The following VPS13A variants were observed in gnomAD, a reference collection of about 807,000 sequenced individuals.
The protein encoded by VPS13A is intermembrane lipid transfer protein VPS13A.
VPS13A carries 264 observed loss-of-function variants against 390.9 expected under a neutral mutation model. That is an observed-to-expected ratio of 0.68 (90% CI 0.61 to 0.75). The LOEUF is 0.75. Ranked by LOEUF, VPS13A falls within the 30% of genes least tolerant of loss-of-function variation. The pLI is 0.00. For synonymous variants in VPS13A, 1,231 were observed against 1,227.1 expected (o/e 1.00, Z -0.07); for missense variants, 3,409 against 3,733.9 (o/e 0.91, Z 2.27).
At chr9:77,401,713 CA>C (rs1322623974) in intron 68 of VPS13A, among the ~76,000 whole-genome samples, 1 of 152,060 alleles carries the variant, frequency 6.6e-6, no homozygotes, top group Non-Finnish European at 1.5e-5. Context: ...TCTAAGTTTT[CA>C]AAATTATTTG....
chr9:77,288,800 T>C (rs529132958), intron 31 of VPS13A, among the ~76,000 whole-genome samples: 93 of 152,348 alleles, frequency 6.1e-4, no homozygotes, highest in African/African-American at 2.1e-3. Context: ...CTACTGATTT[T>C]CTGTTTACTG....
intron 33 of VPS13A, 22 bp downstream of exon 33, chr9:77,295,868 T>G: frequency 6.2e-7 from 1 of 1,610,498 alleles, no homozygotes; most frequent in Non-Finnish European, 8.5e-7. Context: ...ACAAGTATAT[T>G]TGTGTGGAAT....
chr9:77,359,281 C>G, intron 57 of VPS13A, 52 bp from the exon 58 acceptor site: 2 of 1,489,240 alleles, frequency 1.3e-6, no homozygotes, highest in Non-Finnish European at 1.9e-6. Flanking sequence ...AAGAAAATGC[C>G]TAGCTTTTGC....
At chr9:77,343,813 C>T (rs1218883607) in intron 50 of VPS13A, among the ~76,000 whole-genome samples, 1 of 152,128 alleles carries the variant, frequency 6.6e-6, no homozygotes, top group Non-Finnish European at 1.5e-5. Flanking sequence ...TGTTTTAAGC[C>T]TGATCATCTG....
chr9:77,204,803 T>C lies in VPS13A; in HGVS notation c.188-510T>C, dbSNP rs140087746. ...TCACGCCTGGCTAATTTTTTTAGTTTTTATTCATAGAGACAGGGTTTTGCC... is the reference window on the plus strand; with the variant it reads ...TCACGCCTGGCTAATTTTTTTAGTTCTTATTCATAGAGACAGGGTTTTGCC... On this transcript the variant is annotated intron_variant, in intron 3 of 71. Coordinates refer to ENST00000360280, the MANE Select transcript of VPS13A (RefSeq NM_033305.3). Among the ~76,000 whole-genome samples, 1,086 of 152,202 alleles carry C rather than the reference T, an allele frequency of 7.1e-3. 8 individuals carry two copies. Among genetic ancestry groups the C allele is most frequent in the Non-Finnish European group, 0.013 (872 of 68,008 alleles).
chr9:77,384,984 T>G, intron 68 of VPS13A: 1 of 1,089,392 alleles, frequency 9.2e-7, no homozygotes, highest in Non-Finnish European at 1.1e-6. Flanking sequence ...ATTTTGATGT[T>G]CACTGGTTTT....
chr9:77,370,317 G>A lies in VPS13A; in HGVS notation c.8728G>A (p.Val2910Ile), dbSNP rs1229755452. ...EGMALGLKAL[V>I]GGAVGGLAGA... is the part of the protein sequence containing the mutation. ...AATGGCACTAGGACTTAAGGCACTA[G>A]TTGGTGGAGCTGTTGGTAAGAAACA... Residue 2910 changes from valine to isoleucine, a missense_variant, in exon 64 of 72, where the codon GTT (valine) becomes ATT (isoleucine). Transcript: ENST00000360280. The A allele has an allele frequency of 6.2e-7, 1 of 1,614,198 alleles. No homozygotes were observed. Among genetic ancestry groups the A allele is most frequent in the Admixed American group, 1.7e-5 (1 of 60,028 alleles).
At chr9:77,202,052 TTA>T (rs1475303447) in intron 3 of VPS13A, among the ~76,000 whole-genome samples, 2 of 152,168 alleles carry the variant, frequency 1.3e-5, no homozygotes, top group Non-Finnish European at 2.9e-5. Context: ...GATATTTTTG[TTA>T]TATAGATAGT....
intron 33 of VPS13A, 123 bp from the exon 34 acceptor site, chr9:77,302,792 T>C (rs1828458914): frequency 1.8e-6 from 2 of 1,085,110 alleles, no homozygotes; most frequent in East Asian, 5.2e-5. Flanking sequence ...ATATTTTCCC[T>C]TTATACCCAA....
chr9:77,348,050 T>C (rs529921335), intron 52 of VPS13A, among the ~76,000 whole-genome samples: 3 of 152,296 alleles, frequency 2.0e-5, no homozygotes, highest in African/African-American at 7.2e-5. Context: ...TCAACCATTG[T>C]GGAAGACAGT....
intron 23 of VPS13A, among the ~76,000 whole-genome samples, chr9:77,266,331 C>G (rs1449325207): frequency 1.3e-5 from 2 of 152,188 alleles, no homozygotes; most frequent in African/African-American, 4.8e-5. Flanking sequence ...GAGCTGAGTT[C>G]AAGTTCTGAA....
intron 68 of VPS13A, among the ~76,000 whole-genome samples, chr9:77,395,535 C>G (rs2131635676): frequency 6.6e-6 from 1 of 152,252 alleles, no homozygotes; most frequent in South Asian, 2.1e-4. Context: ...TGAGCATGTG[C>G]TGTTGGACAA....
intron 45 of VPS13A, among the ~76,000 whole-genome samples, chr9:77,331,375 G>C (rs1216396972): frequency 6.6e-6 from 1 of 151,942 alleles, no homozygotes; most frequent in Non-Finnish European, 1.5e-5. Flanking sequence ...TTCAACTGTT[G>C]ATATCACCAT....
intron 53 of VPS13A, among the ~76,000 whole-genome samples, chr9:77,353,024 A>G (rs1166731337): frequency 1.3e-5 from 2 of 152,126 alleles, no homozygotes; most frequent in African/African-American, 4.8e-5. Flanking sequence ...TGATTCAGCT[A>G]TGAAAGGAAA....
chr9:77,340,918 C>T lies in VPS13A; in HGVS notation c.7026+368C>T, dbSNP rs539770177. 2.0e-5 allele frequency among the ~76,000 whole-genome samples: 3 copies of T among 152,288 alleles called. 1 individual carries two copies. The South Asian group carries it at 6.2e-4, about 32-fold the overall frequency. ...AGAGAGTAGGGTAAGCCAGACTCTTCTTCAAGTTATTTGAGGAGAGTAGTA... is the reference window on the plus strand; with the variant it reads ...AGAGAGTAGGGTAAGCCAGACTCTTTTTCAAGTTATTTGAGGAGAGTAGTA... On this transcript the variant is annotated intron_variant, in intron 50 of 71. Transcript: ENST00000360280.
intron 5 of VPS13A, 32 bp from the exon 6 acceptor site, chr9:77,209,391 C>A: frequency 6.8e-7 from 1 of 1,466,814 alleles, no homozygotes; most frequent in Non-Finnish European, 9.5e-7. Flanking sequence ...ATTTTTCATT[C>A]AATTTTAAAA....
chr9:77,281,809 G>A (rs1333410796), intron 27 of VPS13A, 58 bp from the exon 28 acceptor site: 4 of 1,075,580 alleles, frequency 3.7e-6, no homozygotes, highest in Non-Finnish European at 5.8e-6. Flanking sequence ...ACTATAATGT[G>A]ATTGTATATG....
intron 51 of VPS13A, 28 bp downstream of exon 51, chr9:77,344,309 G>A: frequency 6.2e-7 from 1 of 1,608,866 alleles, no homozygotes; most frequent in Non-Finnish European, 8.5e-7. Flanking sequence ...TTTTGCATGT[G>A]TCATTAGGAA....
Position 77,249,372 on chromosome 9 carries a change from A to G in VPS13A, c.2038-725A>G, listed in dbSNP as rs529674525. The stretch of plus-strand genomic sequence containing the variant: ...GTGTGGTATAATAGAGCATAAGGTT[A>G]GGAGTAAGGATATCTAATTTTGTGA... On this transcript the variant is annotated intron_variant, in intron 20 of 71. Transcript: ENST00000360280. Among the ~76,000 whole-genome samples, 4 of 152,338 alleles carry G rather than the reference A, an allele frequency of 2.6e-5. No homozygotes were observed. The South Asian group carries it at 6.2e-4, about 24-fold the overall frequency.
Sources: allele counts gnomAD v4.1 joint callset (sites outside exome capture counted in the v4.1 genomes callset), GRCh38; gene constraint gnomAD v4.1.1; transcripts MANE v1.5; gene names NCBI Gene and HGNC (gene_info 2026-07-23, HGNC 2026-07-21).